ARMC3: variants seen among roughly 807,000 people sequenced by gnomAD.
The protein encoded by ARMC3 is armadillo repeat-containing protein 3.
A neutral mutation model predicts 90.3 loss-of-function variants in ARMC3; 74 were observed. The observed-to-expected ratio is 0.82, with a 90% CI of 0.68 to 0.99. The LOEUF (loss-of-function observed/expected upper bound fraction) is 0.99. Ranked by LOEUF, ARMC3 falls within the 50% of genes least tolerant of loss-of-function variation. ARMC3 has a pLI of 0.00. For synonymous variants in ARMC3, 334 were observed against 361.8 expected, an observed-to-expected ratio of 0.92 and a Z score of 0.87; for missense variants, 958 against 1,042.8, an observed-to-expected ratio of 0.92 and a Z score of 1.12.
At chr10:22,964,738 G>GC (rs1301874386) in intron 7 of ARMC3, among the ~76,000 whole-genome samples, 7 of 150,628 alleles carry the variant, frequency 4.6e-5, no homozygotes, top group African/African-American at 7.4e-5. Context: ...ACTGCACCCG[G>GC]CCCCCCGTAG....
intron 3 of ARMC3, among the ~76,000 whole-genome samples, chr10:22,951,502 T>C (rs1834739053): frequency 6.6e-6 from 1 of 152,086 alleles, no homozygotes; most frequent in African/African-American, 2.4e-5. Context: ...TTTATCCAAA[T>C]AGATCATATT....
chr10:23,028,365 C>G (rs1838800508), intron 16 of ARMC3, among the ~76,000 whole-genome samples: 1 of 151,390 alleles, frequency 6.6e-6, no homozygotes, highest in African/African-American at 2.4e-5. Context: ...GATTTTTATA[C>G]TTCATTTCAA....
chr10:22,947,210 G>A (rs1280492952), intron 3 of ARMC3, among the ~76,000 whole-genome samples: 1 of 152,010 alleles, frequency 6.6e-6, no homozygotes, highest in East Asian at 1.9e-4. Flanking sequence ...GGAGGCTGAG[G>A]TGGGAGGACT....
At chr10:22,978,282 A>G (rs1352183305) in intron 8 of ARMC3, among the ~76,000 whole-genome samples, 1 of 152,188 alleles carries the variant, frequency 6.6e-6, no homozygotes, top group Non-Finnish European at 1.5e-5. Flanking sequence ...CGGGCTGGGG[A>G]AGGCCTCAGG....
intron 13 of ARMC3, among the ~76,000 whole-genome samples, chr10:23,004,736 TA>T (rs1324585213): frequency 5.9e-5 from 9 of 152,146 alleles, no homozygotes; most frequent in Non-Finnish European, 1.2e-4. Flanking sequence ...AAAATTTGAA[TA>T]ATTCAAAACA....
In ARMC3 at chr10:23,003,277, T is replaced by A; in HGVS notation, c.1594T>A (p.Ser532Thr). The change falls in exon 13 of 19, where the codon TCA (serine) becomes ACA (threonine). Residue 532 changes from serine to threonine, a missense_variant. Coordinates refer to ENST00000298032, the MANE Select transcript of ARMC3 (RefSeq NM_173081.5). ...ALDILEEVNV[S>T]GTRKNKFSEA... ...AGATATCCTTGAAGAAGTTAACGTA[T>A]CAGGAACTCGGAAAAATAAATTCAG... 6.2e-7 allele frequency: 1 copy of A among 1,612,946 alleles called. No individual in the cohort carries two copies. Among genetic ancestry groups the A allele is most frequent in the Non-Finnish European group, 8.5e-7 (1 of 1,179,670 alleles).
At position 22,946,252 on chromosome 10, in the gene ARMC3, G is replaced by T. The variant is rs1338169282; in HGVS notation, c.157G>T (p.Ala53Ser). ...AGCATGTGAAGCCATTTATAAATTT[G>T]CTTTAAAAGGTTTGGATTTTTTTCA... ...AKACEAIYKF[A>S]LKGEENKTTL... Residue 53 changes from alanine (A) to serine (S), a missense_variant, in exon 3 of 19, where the codon GCT becomes TCT. By Grantham distance (99) the Ala-to-Ser change is moderately conservative (BLOSUM62 1). Transcript: ENST00000298032. 4 of 1,596,162 alleles carry T rather than the reference G, an allele frequency of 2.5e-6. No homozygotes were observed. Among genetic ancestry groups the T allele is most frequent in the East Asian group, 2.2e-5 (1 of 44,636 alleles).
chr10:22,974,374 T>C (rs916820001), intron 8 of ARMC3, among the ~76,000 whole-genome samples: 4 of 152,174 alleles, frequency 2.6e-5, no homozygotes, highest in African/African-American at 4.8e-5. Context: ...GGCAAATAAA[T>C]ATTGTTAGAT....
In ARMC3 at chr10:22,959,062, C is replaced by T. The variant is rs1252402380; in HGVS notation, c.293-8C>T. ...ATAAACATCAATACTCTGTTTCTTC[C>T]TTTGTAGATGATGTTAAAAAATTGT... On this transcript the variant is annotated splice_region_variant and splice_polypyrimidine_tract_variant and intron_variant, in intron 4 of 18. Coordinates refer to ENST00000298032, the MANE Select transcript of ARMC3 (RefSeq NM_173081.5). The T allele has an allele frequency of 2.5e-6, 4 of 1,592,608 alleles. No homozygotes were observed. Among genetic ancestry groups the T allele is most frequent in the Non-Finnish European group, 3.4e-6 (4 of 1,160,636 alleles).
intron 11 of ARMC3, among the ~76,000 whole-genome samples, chr10:23,001,681 G>C (rs1326292333): frequency 2.6e-5 from 4 of 152,198 alleles, no homozygotes; most frequent in African/African-American, 9.6e-5. Context: ...CCCGTCCCAC[G>C]TAAAATCAGG....
intron 18 of ARMC3, among the ~76,000 whole-genome samples, chr10:23,034,492 C>G (rs1839047903): frequency 6.6e-6 from 1 of 152,134 alleles, no homozygotes; most frequent in South Asian, 2.1e-4. Flanking sequence ...TACCCAAGGT[C>G]AACCATAGAT....
intron 1 of ARMC3, among the ~76,000 whole-genome samples, chr10:22,931,470 T>C (rs1442183687): frequency 2.0e-5 from 3 of 152,220 alleles, no homozygotes; most frequent in Non-Finnish European, 4.4e-5. Context: ...CAAGACCTGG[T>C]AGATTTTGTA....
In ARMC3 at chr10:22,959,579, G is replaced by C. The variant is rs374637700; in HGVS notation, c.537+5G>C. The C allele has an allele frequency of 2.3e-5, 37 of 1,575,650 alleles. No individual in the cohort carries two copies. Among genetic ancestry groups the C allele is most frequent in the Middle Eastern group, 3.4e-4 (2 of 5,878 alleles). On this transcript the variant is annotated splice_donor_5th_base_variant and intron_variant, in intron 6 of 18. Coordinates refer to ENST00000298032, the MANE Select transcript of ARMC3 (RefSeq NM_173081.5). ...TGCATTTACAACTTGGTGCAGGTAA[G>C]ATTAATTTCTAAAAAGCGTTCTGAT... is the stretch of plus-strand genomic sequence containing the variant.
At chr10:22,949,283 A>G (rs1834650435) in intron 3 of ARMC3, among the ~76,000 whole-genome samples, 1 of 152,242 alleles carries the variant, frequency 6.6e-6, no homozygotes, top group Non-Finnish European at 1.5e-5. Context: ...GAAAAAAAGC[A>G]GAAAAAACGC....
chr10:22,975,771 A>AT (rs1298293037), intron 8 of ARMC3, among the ~76,000 whole-genome samples: 1 of 151,940 alleles, frequency 6.6e-6, no homozygotes, highest in African/African-American at 2.4e-5. Context: ...CAGAGTCATG[A>AT]TTTTTTCCCC....
At chr10:22,955,757 G>A in intron 3 of ARMC3, 50 bp from the exon 4 acceptor site, 4 of 1,606,192 alleles carry the variant, frequency 2.5e-6, no homozygotes, top group Non-Finnish European at 3.4e-6. Flanking sequence ...GCAGAATGCT[G>A]ATGAGATCGA....
rs1267951260 is a variant in ARMC3, at chr10:22,998,252, T to C, written c.1280T>C (p.Met427Thr). The change falls in exon 11 of 19, where the codon ATG becomes ACG. Residue 427 changes from methionine to threonine, a missense_variant. Coordinates refer to ENST00000298032, the MANE Select transcript of ARMC3 (RefSeq NM_173081.5). ...GCTACAGTATTAACAAACATGGCCA[T>C]GCAGGAGCCCCTGCGCCTGAACATA... ...NAATVLTNMA[M>T]QEPLRLNIQN... The C allele has an allele frequency of 4.3e-6, 7 of 1,612,588 alleles. No homozygotes were observed. Among genetic ancestry groups the C allele is most frequent in the Non-Finnish European group, 5.9e-6 (7 of 1,179,242 alleles).
chr10:22,951,131 G>A (rs1834725512), intron 3 of ARMC3, among the ~76,000 whole-genome samples: 1 of 152,080 alleles, frequency 6.6e-6, no homozygotes, highest in Non-Finnish European at 1.5e-5. Flanking sequence ...TAGAGACAGG[G>A]TTTCACTGTG....
chr10:23,018,479 A>G lies in ARMC3; in HGVS notation c.2045+9548A>G, dbSNP rs143950062. Among the ~76,000 whole-genome samples, 54 of 150,736 alleles carry G rather than the reference A, an allele frequency of 3.6e-4. 1 individual carries two copies. The East Asian group carries it at 9.8e-3, about 27-fold the overall frequency. The stretch of plus-strand genomic sequence containing the variant: ...GTGCTTCAAAACCAAAAAGGCATCT[A>G]TAATGGTATCATTTATTAGACTTGC... On this transcript the variant is annotated intron_variant, in intron 16 of 18. Coordinates refer to ENST00000298032, the MANE Select transcript of ARMC3 (RefSeq NM_173081.5).
Sources: gnomAD v4.1 joint callset for allele counts (sites outside exome capture counted in the v4.1 genomes callset) on GRCh38, gnomAD v4.1.1 for gene constraint, MANE v1.5 for transcripts, NCBI Gene and HGNC (gene_info 2026-07-23, HGNC 2026-07-21) for gene names.